ZC3HAV1: variants seen among roughly 807,000 people sequenced by gnomAD.
ZC3HAV1 encodes the protein zinc finger CCCH-type antiviral protein 1.
A neutral mutation model predicts 86.6 loss-of-function variants in ZC3HAV1; 41 were observed. The observed-to-expected ratio is 0.47, with a 90% CI of 0.37 to 0.61. ZC3HAV1 has a LOEUF of 0.61. Ranked by LOEUF, ZC3HAV1 falls within the 20% of genes least tolerant of loss-of-function variation. The probability of loss-of-function intolerance (pLI) is 0.00; values close to 1 mark genes in which losing one functional copy is unlikely to be tolerated. For synonymous variants in ZC3HAV1, 421 were observed against 432.1 expected (o/e 0.97, Z 0.32); for missense variants, 964 against 1,141.1 (o/e 0.84, Z 2.24).
intron 2 of ZC3HAV1, among the ~76,000 whole-genome samples, chr7:139,088,958 C>T (rs751210308): frequency 2.6e-5 from 4 of 151,996 alleles, no homozygotes; most frequent in South Asian, 2.1e-4. Context: ...AAAAATTAGC[C>T]GGGCATGGTG....
chr7:139,084,636 C>T (rs1050981009), intron 2 of ZC3HAV1, among the ~76,000 whole-genome samples: 1 of 152,198 alleles, frequency 6.6e-6, no homozygotes, highest in Non-Finnish European at 1.5e-5. Context: ...GCCCTGGAAG[C>T]AGCTGTGTGA....
chr7:139,080,268 A>T, intron 3 of ZC3HAV1, 25 bp from the exon 4 acceptor site: 1 of 1,613,702 alleles, frequency 6.2e-7, no homozygotes, highest in East Asian at 2.2e-5. Context: ...AGCCAAAATG[A>T]AACAAAATAA....
At chr7:139,099,465 C>T (rs2130733411) in intron 1 of ZC3HAV1, among the ~76,000 whole-genome samples, 1 of 152,260 alleles carries the variant, frequency 6.6e-6, no homozygotes, top group Non-Finnish European at 1.5e-5. Flanking sequence ...TATTAGATCC[C>T]ATTTACAGGA....
intron 9 of ZC3HAV1, among the ~76,000 whole-genome samples, chr7:139,056,796 C>T (rs1338863225): frequency 6.6e-6 from 1 of 152,118 alleles, no homozygotes; most frequent in Non-Finnish European, 1.5e-5. Context: ...ACAAATCAAC[C>T]AAACACAATG....
intron 9 of ZC3HAV1, chr7:139,060,715 C>A: frequency 3.6e-6 from 4 of 1,098,784 alleles, no homozygotes; most frequent in Non-Finnish European, 4.5e-6. Flanking sequence ...AAAACAAAAA[C>A]CCAGTATATA....
chr7:139,103,041 G>A (rs1363549676), intron 1 of ZC3HAV1, among the ~76,000 whole-genome samples: 2 of 149,122 alleles, frequency 1.3e-5, no homozygotes, highest in Non-Finnish European at 3.0e-5. Context: ...AAAATTTGTT[G>A]TAAAAAAATT....
chr7:139,096,071 A>G (rs897177346), intron 1 of ZC3HAV1, among the ~76,000 whole-genome samples: 2 of 151,986 alleles, frequency 1.3e-5, no homozygotes, highest in Non-Finnish European at 2.9e-5. Flanking sequence ...CTGGAGTGCA[A>G]TGGCGCAATC....
chr7:139,079,098 A>G, intron 4 of ZC3HAV1: 1 of 1,535,982 alleles, frequency 6.5e-7, no homozygotes. Context: ...TCCTTCAGTG[A>G]CTTACACTGA....
intron 2 of ZC3HAV1, among the ~76,000 whole-genome samples, chr7:139,085,943 C>T (rs150427134): frequency 1.8e-3 from 267 of 151,766 alleles, no homozygotes; most frequent in Admixed American, 2.8e-3. Context: ...GAACCCGAGA[C>T]GGAGGTTGCA....
In ZC3HAV1 at chr7:139,109,336, C is replaced by T. The variant is rs750911224; in HGVS notation, c.-5G>A. 14 of 1,574,620 alleles carry T rather than the reference C, an allele frequency of 8.9e-6. No individual in the cohort carries two copies. In the Middle Eastern group the frequency reaches 6.9e-4, roughly 78 times the overall value. On this transcript the variant is annotated 5_prime_UTR_variant, in exon 1 of 13. Coordinates refer to ENST00000242351, the MANE Select transcript of ZC3HAV1 (RefSeq NM_020119.4). ...GCACACCTCCGGGTCCGCCATGGCG[C>T]GCTGGCTGTGCTGGCTCTGCCGCGG... is the stretch of plus-strand genomic sequence containing the variant.
At chr7:139,069,785 A>ACGTT (rs1231391318) in intron 7 of ZC3HAV1, among the ~76,000 whole-genome samples, 2 of 152,132 alleles carry the variant, frequency 1.3e-5, no homozygotes, top group African/African-American at 4.8e-5. Context: ...TCTACTCCTC[A>ACGTT]CGTTCCTCTT....
At chr7:139,048,608 A>T (rs1474562279) in intron 12 of ZC3HAV1, among the ~76,000 whole-genome samples, 1 of 152,184 alleles carries the variant, frequency 6.6e-6, no homozygotes, top group African/African-American at 2.4e-5. Flanking sequence ...GTATCAAAAA[A>T]TACTAATAAT....
In ZC3HAV1 at chr7:139,053,499, T is replaced by G. The variant is rs1388786019; in HGVS notation, c.2401A>C (p.Asn801His). The change falls in exon 12 of 13, where the codon AAT (asparagine) becomes CAT (histidine). Residue 801 changes from asparagine to histidine, a missense_variant. Coordinates refer to ENST00000242351, the MANE Select transcript of ZC3HAV1 (RefSeq NM_020119.4). ...GTTTCATGTAGGAAACTGTCAAAAT[T>G]ATTCGAACAGATAGATTCCACATAG... The part of the protein sequence containing the change: ...RAYVESICSN[N>H]FDSFLHETHE... 6.2e-7 allele frequency: 1 copy of G among 1,604,322 alleles called. No individual in the cohort carries two copies. The highest frequency in any genetic ancestry group is 2.2e-5 in the East Asian group (1 of 44,628).
intron 1 of ZC3HAV1, among the ~76,000 whole-genome samples, chr7:139,107,977 G>A (rs968157438): frequency 1.3e-5 from 2 of 152,202 alleles, no homozygotes; most frequent in African/African-American, 4.8e-5. Context: ...TGGGAAGGCA[G>A]AATCCGCCAA....
At chr7:139,078,979 A>G in intron 4 of ZC3HAV1, 1 of 1,368,190 alleles carries the variant, frequency 7.3e-7, no homozygotes, top group Non-Finnish European at 9.7e-7. Context: ...AGACCACCCC[A>G]TAACCAAAAC....
intron 3 of ZC3HAV1, among the ~76,000 whole-genome samples, 176 bp from the exon 4 acceptor site, chr7:139,080,419 G>C (rs964572048): frequency 2.6e-5 from 4 of 152,054 alleles, no homozygotes; most frequent in African/African-American, 9.7e-5. Flanking sequence ...TGACACTGAC[G>C]GTTTTTTTTG....
At position 139,047,603 on chromosome 7, in the gene ZC3HAV1, C is replaced by G. The variant is rs2130655749; in HGVS notation, c.2700G>C (p.Val900=). The G allele has an allele frequency of 1.2e-6, 2 of 1,614,074 alleles. No homozygotes were observed. Among genetic ancestry groups the G allele is most frequent in the Non-Finnish European group, 1.7e-6 (2 of 1,180,012 alleles). ...VIEYTEDKAC[V]IS ...GCTGTATTCATCGGTTCTAACTAAT[C>G]ACGCAGGCTTTGTCTTCAGTATATT... The change falls in exon 13 of 13, where the codon GTG becomes GTC. Residue 900 remains valine (V), a synonymous_variant. Transcript: ENST00000242351.
intron 7 of ZC3HAV1, among the ~76,000 whole-genome samples, chr7:139,073,022 G>A (rs972007126): frequency 2.0e-5 from 3 of 152,272 alleles, no homozygotes; most frequent in African/African-American, 4.8e-5. Context: ...ATGGCCGGGC[G>A]CAGTGGCTCA....
chr7:139,067,243 G>C (rs968102298), intron 7 of ZC3HAV1, among the ~76,000 whole-genome samples: 3 of 152,026 alleles, frequency 2.0e-5, no homozygotes, highest in African/African-American at 7.3e-5. Context: ...CCGCCTCCTG[G>C]GTTCAAGCGA....
Sources: allele counts gnomAD v4.1 joint callset (sites outside exome capture counted in the v4.1 genomes callset), GRCh38; gene constraint gnomAD v4.1.1; transcripts MANE v1.5; gene names NCBI Gene and HGNC (gene_info 2026-07-23, HGNC 2026-07-21).